The following ARHGEF38 variants were observed in gnomAD, a reference collection of about 807,000 sequenced individuals.
The protein encoded by ARHGEF38 is Rho guanine nucleotide exchange factor 38, also known as Rho guanine nucleotide exchange factor (GEF) 38.
ARHGEF38 carries 79 observed loss-of-function variants against 79.9 expected under a neutral mutation model. The ratio of observed to expected loss-of-function variants is 0.99; its 90% confidence interval spans 0.82 to 1.19. The LOEUF (loss-of-function observed/expected upper bound fraction) is 1.19, where lower values mean the gene tolerates loss of function less well. Ranked by LOEUF, ARHGEF38 falls within the 50% of genes most tolerant of loss-of-function variation. The pLI is 0.00. For synonymous variants in ARHGEF38, 366 were observed against 328.3 expected (o/e 1.11, Z -1.24); for missense variants, 962 against 907.2 (o/e 1.06, Z -0.78).
At chr4:105,559,330 A>G (rs1302855749) in intron 1 of ARHGEF38, among the ~76,000 whole-genome samples, 4 of 152,078 alleles carry the variant, frequency 2.6e-5, no homozygotes, top group Non-Finnish European at 5.9e-5. Flanking sequence ...TTCTTATCCC[A>G]TGCTCTCAAG....
intron 5 of ARHGEF38, among the ~76,000 whole-genome samples, chr4:105,641,466 C>A (rs1578338582): frequency 6.6e-6 from 1 of 151,890 alleles, no homozygotes; most frequent in South Asian, 2.1e-4. Context: ...TTATTTATGA[C>A]AAATGCTGTT....
At chr4:105,669,084 AG>A in intron 13 of ARHGEF38, among the ~76,000 whole-genome samples, 1 of 152,268 alleles carries the variant, frequency 6.6e-6, no homozygotes, top group South Asian at 2.1e-4. Flanking sequence ...AATGGTTTTT[AG>A]TCCCTTCTCC....
chr4:105,622,692 C>T (rs1728786917), intron 3 of ARHGEF38, among the ~76,000 whole-genome samples: 1 of 152,216 alleles, frequency 6.6e-6, no homozygotes, highest in African/African-American at 2.4e-5. Flanking sequence ...TCACAATGCT[C>T]AGCATGTGGC....
chr4:105,645,159 G>A, intron 5 of ARHGEF38, 29 bp from the exon 6 acceptor site: 6 of 1,285,996 alleles, frequency 4.7e-6, no homozygotes, highest in Non-Finnish European at 6.0e-6. Flanking sequence ...ATATGTTTGT[G>A]AAACTGATAT....
At chr4:105,565,651 C>G (rs1258952429) in intron 1 of ARHGEF38, among the ~76,000 whole-genome samples, 2 of 152,108 alleles carry the variant, frequency 1.3e-5, no homozygotes, top group African/African-American at 4.8e-5. Flanking sequence ...GTTCTGAACT[C>G]AATTTCTGGC....
intron 3 of ARHGEF38, among the ~76,000 whole-genome samples, chr4:105,623,741 G>A (rs773146654): frequency 4.6e-5 from 7 of 152,174 alleles, no homozygotes; most frequent in African/African-American, 7.2e-5. Flanking sequence ...AAAACAGTAA[G>A]AGCTGATTTG....
Position 105,677,749 on chromosome 4 carries a change from T to C in ARHGEF38, c.2149-3T>C. Reference sequence around the variant, plus strand: ...CAATAATGTCTTTTGTTTCTTTGTCTAGATTTTCTATGCAGTTCATGCTTT... The same window carrying C: ...CAATAATGTCTTTTGTTTCTTTGTCCAGATTTTCTATGCAGTTCATGCTTT... On this transcript the variant is annotated splice_region_variant and splice_polypyrimidine_tract_variant and intron_variant, in intron 13 of 13. Transcript: ENST00000420470. The C allele has an allele frequency of 1.4e-6, 2 of 1,431,584 alleles. No homozygotes were observed. The highest frequency in any genetic ancestry group is 1.8e-6 in the Non-Finnish European group (2 of 1,084,700). 88.7% of individuals were successfully genotyped at this position (1,431,584 alleles called of 1,614,324 possible). A position where few individuals can be genotyped will look rare whatever the true frequency, so the allele number is the denominator to read the frequency against.
chr4:105,651,783 T>C (rs887055953), intron 7 of ARHGEF38, among the ~76,000 whole-genome samples: 6 of 152,146 alleles, frequency 3.9e-5, no homozygotes, highest in African/African-American at 1.4e-4. Flanking sequence ...GCCTCTCAAG[T>C]AGCGCAGACT....
downstream of ARHGEF38, among the ~76,000 whole-genome samples, chr4:105,681,753 T>C (rs917813607): frequency 1.3e-5 from 2 of 152,192 alleles, no homozygotes; most frequent in Admixed American, 1.3e-4. Context: ...CCAAAAAAAT[T>C]TGCAACCTCT....
At chr4:105,612,938 C>A (rs1321410213) in intron 2 of ARHGEF38, among the ~76,000 whole-genome samples, 5 of 151,916 alleles carry the variant, frequency 3.3e-5, no homozygotes, top group African/African-American at 4.8e-5. Context: ...AAAAAGCAAC[C>A]CAGCACATCT....
At chr4:105,670,322 A>C (rs1730917629) in intron 13 of ARHGEF38, among the ~76,000 whole-genome samples, 1 of 152,128 alleles carries the variant, frequency 6.6e-6, no homozygotes. Context: ...CTTTTTAATT[A>C]TAGCCATCTT....
chr4:105,598,758 A>G (rs1166227185), intron 2 of ARHGEF38, among the ~76,000 whole-genome samples: 1 of 152,030 alleles, frequency 6.6e-6, no homozygotes, highest in Admixed American at 6.6e-5. Context: ...TTGTTTCTCC[A>G]TAATAAGGCC....
intron 1 of ARHGEF38, among the ~76,000 whole-genome samples, chr4:105,576,190 T>C (rs191448001): frequency 2.0e-5 from 3 of 152,184 alleles, no homozygotes; most frequent in Admixed American, 1.3e-4. Flanking sequence ...GAAAAATGAT[T>C]TTGGTATTTT....
At chr4:105,681,628 C>T (rs1237215146), downstream of ARHGEF38, among the ~76,000 whole-genome samples, 1 of 152,138 alleles carries the variant, frequency 6.6e-6, no homozygotes, top group Non-Finnish European at 1.5e-5. Flanking sequence ...CAACGCAGAC[C>T]TTCCACATTT....
At chr4:105,570,396 A>T (rs1726160846) in intron 1 of ARHGEF38, among the ~76,000 whole-genome samples, 1 of 152,196 alleles carries the variant, frequency 6.6e-6, no homozygotes, top group Non-Finnish European at 1.5e-5. Flanking sequence ...AGTATGTATT[A>T]GTCTGTTCTC....
At position 105,589,406 on chromosome 4, in the gene ARHGEF38, G is replaced by T. The variant is rs1296987730; in HGVS notation, c.355G>T (p.Glu119Ter). The T allele has an allele frequency of 3.7e-6, 6 of 1,612,856 alleles. No individual in the cohort carries two copies. The African/African-American group carries it at 6.7e-5, about 18-fold the overall frequency. The stretch of plus-strand genomic sequence containing the variant: ...CAATGATCTAGAGCTGTGTGTTAGG[G>T]AAGTGGTTCAGCCCCTGAGAAATAA... ...YLNDLELCVR[E>*]VVQPLRNKKT... Residue 119 changes from glutamate (E) to a stop codon, truncating the protein, a stop_gained, in exon 2 of 14, where the codon GAA (glutamate) becomes TAA (stop). Transcript: ENST00000420470. LOFTEE classifies it high-confidence loss of function.
At chr4:105,631,969 G>C (rs759933665) in intron 4 of ARHGEF38, among the ~76,000 whole-genome samples, 4 of 152,006 alleles carry the variant, frequency 2.6e-5, no homozygotes, top group Non-Finnish European at 5.9e-5. Flanking sequence ...ATGTACACCC[G>C]TCTGATCCTG....
At chr4:105,582,095 G>A (rs1161273149) in intron 1 of ARHGEF38, among the ~76,000 whole-genome samples, 1 of 148,908 alleles carries the variant, frequency 6.7e-6, no homozygotes. Flanking sequence ...AACCAAGGAG[G>A]TGGAGGTTAC....
intron 1 of ARHGEF38, among the ~76,000 whole-genome samples, chr4:105,573,738 GTT>G (rs538837798): frequency 6.9e-6 from 1 of 144,584 alleles, no homozygotes; most frequent in Admixed American, 6.9e-5. Context: ...TTTAGGATGG[GTT>G]TTTTTTTTTA....
Sources: gnomAD v4.1 joint callset for allele counts (sites outside exome capture counted in the v4.1 genomes callset) on GRCh38, gnomAD v4.1.1 for gene constraint, MANE v1.5 for transcripts, NCBI Gene and HGNC (gene_info 2026-07-23, HGNC 2026-07-21) for gene names.